GPR89A: variants seen among roughly 807,000 people sequenced by gnomAD.
The protein encoded by GPR89A is golgi pH regulator A, also known as G protein-coupled receptor 89A.
Under a neutral mutation model 52.0 loss-of-function variants are expected in GPR89A, and 16 were observed. The ratio of observed to expected loss-of-function variants is 0.31; its 90% confidence interval spans 0.21 to 0.47. The LOEUF (loss-of-function observed/expected upper bound fraction) is 0.47. Among genes scored for constraint, GPR89A ranks in the 20% least tolerant of loss-of-function variants. The probability of loss-of-function intolerance (pLI) is 1.00; values close to 1 mark genes in which losing one functional copy is unlikely to be tolerated. For synonymous variants in GPR89A, 55 were observed against 150.9 expected (o/e 0.36, Z 4.66); for missense variants, 135 against 449.4 (o/e 0.30, Z 6.33).
chr1:145,633,794 A>C (rs1571495548), intron 7 of GPR89A, among the ~76,000 whole-genome samples: 1 of 146,086 alleles, frequency 6.8e-6, no homozygotes, highest in Non-Finnish European at 1.5e-5. Flanking sequence ...TTTGATAGGA[A>C]TTACATTAAA....
At chr1:145,647,068 G>A in intron 9 of GPR89A, 107 bp from the exon 10 acceptor site, 1 of 1,505,184 alleles carries the variant, frequency 6.6e-7, no homozygotes, top group Non-Finnish European at 8.9e-7. Context: ...TACAATGTAT[G>A]GTTTTTTGAC....
intron 10 of GPR89A, among the ~76,000 whole-genome samples, chr1:145,657,451 A>G (rs1459174893): frequency 5.8e-4 from 88 of 150,666 alleles, no homozygotes; most frequent in Middle Eastern, 3.4e-3. Context: ...TTCTTTTCTC[A>G]TAATGTCTTT....
intron 1 of GPR89A, among the ~76,000 whole-genome samples, chr1:145,615,674 G>A (rs1405433545): frequency 1.0e-4 from 13 of 125,448 alleles, no homozygotes; most frequent in Non-Finnish European, 2.2e-4. Flanking sequence ...CACCCAGGCT[G>A]GAATGCAGTG....
chr1:145,656,948 A>G (rs1442157484), intron 10 of GPR89A, among the ~76,000 whole-genome samples: 3 of 152,062 alleles, frequency 2.0e-5, no homozygotes, highest in African/African-American at 4.8e-5. Flanking sequence ...GAGATGATCA[A>G]TGTTTTTCTT....
chr1:145,657,223 AT>A (rs1276461795), intron 10 of GPR89A, among the ~76,000 whole-genome samples: 25 of 148,264 alleles, frequency 1.7e-4, no homozygotes, highest in African/African-American at 5.9e-4. Flanking sequence ...GCAAGACCCC[AT>A]CTCAGCAAAA....
intron 1 of GPR89A, among the ~76,000 whole-genome samples, chr1:145,612,660 G>A (rs1648383295): frequency 6.6e-6 from 1 of 152,038 alleles, no homozygotes; most frequent in Non-Finnish European, 1.5e-5. Context: ...AGAGCCTGTA[G>A]TATAGTAAAT....
intron 5 of GPR89A, among the ~76,000 whole-genome samples, chr1:145,626,880 G>C (rs1361463315): frequency 1.4e-5 from 2 of 144,222 alleles, no homozygotes; most frequent in African/African-American, 2.6e-5. Context: ...TTAAACCCAG[G>C]AGGCTGAGGT....
At chr1:145,659,836 G>A (rs1479337726) in intron 10 of GPR89A, among the ~76,000 whole-genome samples, 2 of 134,188 alleles carry the variant, frequency 1.5e-5, no homozygotes, top group African/African-American at 5.9e-5. Flanking sequence ...TATAGGGATG[G>A]CATTGAATCT....
At chr1:145,647,315 T>C (rs1651063229) in intron 10 of GPR89A, 48 bp downstream of exon 10, 2 of 1,584,128 alleles carry the variant, frequency 1.3e-6, no homozygotes, top group Non-Finnish European at 1.7e-6. Flanking sequence ...TTTTTCCTGG[T>C]AGTGGCAGGG....
Position 145,646,290 on chromosome 1 carries a change from T to G in GPR89A, c.816+18T>G. The G allele has an allele frequency of 5.7e-6, 9 of 1,578,178 alleles. No individual in the cohort carries two copies. The highest frequency in any genetic ancestry group is 7.8e-6 in the Non-Finnish European group (9 of 1,155,712). ...CTACCAAGGTACAGAGCAAGGAAAC[T>G]GAAGTGTGGTTTTTACCAATATTAT... On this transcript the variant is annotated intron_variant, in intron 9 of 13. Coordinates refer to ENST00000313835, the MANE Select transcript of GPR89A (RefSeq NM_001097612.2).
intron 11 of GPR89A, 97 bp from the exon 12 acceptor site, chr1:145,665,465 T>C: frequency 6.5e-7 from 1 of 1,538,130 alleles, no homozygotes; most frequent in Non-Finnish European, 9.0e-7. Context: ...CTAATAAAGC[T>C]CCCTCTCACA....
At chr1:145,658,514 C>G (rs1362113209) in intron 10 of GPR89A, among the ~76,000 whole-genome samples, 1 of 150,640 alleles carries the variant, frequency 6.6e-6, no homozygotes, top group African/African-American at 2.4e-5. Flanking sequence ...GTGGCCCCAG[C>G]TACTCGGGAG....
intron 12 of GPR89A, among the ~76,000 whole-genome samples, chr1:145,667,767 T>A (rs1360968430): frequency 2.0e-5 from 3 of 152,154 alleles, no homozygotes; most frequent in Non-Finnish European, 4.4e-5. Flanking sequence ...AAGGAAGGGA[T>A]CCAGTTTCAG....
chr1:145,661,105 A>G (rs1227536521), intron 10 of GPR89A, among the ~76,000 whole-genome samples: 21 of 149,296 alleles, frequency 1.4e-4, no homozygotes, highest in African/African-American at 4.4e-4. Context: ...GCACATATAC[A>G]CCATGGAATA....
Position 145,660,031 on chromosome 1 carries a change from C to T in GPR89A, c.910-3298C>T, listed in dbSNP as rs1360663594. 3.0e-4 allele frequency among the ~76,000 whole-genome samples: 45 copies of T among 151,944 alleles called. 1 individual carries two copies. The South Asian group carries it at 9.1e-3, about 31-fold the overall frequency. ...CCTAGGTATTTTATTCTCTTTGAAGCAATTGTGAATGGGAGTTCACTCATG... is the reference window on the plus strand; with the variant it reads ...CCTAGGTATTTTATTCTCTTTGAAGTAATTGTGAATGGGAGTTCACTCATG... On this transcript the variant is annotated intron_variant, in intron 10 of 13. Transcript: ENST00000313835.
At chr1:145,613,904 A>C (rs1448550342) in intron 1 of GPR89A, among the ~76,000 whole-genome samples, 3 of 151,998 alleles carry the variant, frequency 2.0e-5, no homozygotes, top group Non-Finnish European at 4.4e-5. Flanking sequence ...CTTCCACTTC[A>C]GCCTCCCCAT....
chr1:145,668,051 G>A (rs1652697261), intron 12 of GPR89A, among the ~76,000 whole-genome samples: 1 of 152,180 alleles, frequency 6.6e-6, no homozygotes, highest in African/African-American at 2.4e-5. Flanking sequence ...ACTTGGCAAT[G>A]CGGGCTCTTT....
chr1:145,670,097 G>A lies in GPR89A; in HGVS notation c.*57G>A. The A allele has an allele frequency of 1.6e-6, 2 of 1,264,406 alleles. No homozygotes were observed. Among genetic ancestry groups the A allele is most frequent in the Non-Finnish European group, 2.1e-6 (2 of 931,228 alleles). The allele number at this position is 1,264,406 out of a possible 1,614,324, so 78.3% of individuals were successfully genotyped here. A position where few individuals can be genotyped will look rare whatever the true frequency, so the allele number is the denominator to read the frequency against. The stretch of plus-strand genomic sequence containing the variant: ...GTGGTTTCAAAATTTAGATATAAGA[G>A]GGGGGAAAAATGGAACCAGGGCCTG... On this transcript the variant is annotated 3_prime_UTR_variant, in exon 14 of 14. Coordinates refer to ENST00000313835, the MANE Select transcript of GPR89A (RefSeq NM_001097612.2).
At chr1:145,664,789 G>A (rs1316564385) in intron 11 of GPR89A, among the ~76,000 whole-genome samples, 1 of 150,416 alleles carries the variant, frequency 6.6e-6, no homozygotes, top group African/African-American at 2.4e-5. Context: ...TATTTCATCT[G>A]TAATTCATCT....
Sources: gnomAD v4.1 joint callset for allele counts (sites outside exome capture counted in the v4.1 genomes callset) on GRCh38, gnomAD v4.1.1 for gene constraint, MANE v1.5 for transcripts, NCBI Gene and HGNC (gene_info 2026-07-23, HGNC 2026-07-21) for gene names.